NDST3: variants seen among roughly 807,000 people sequenced by gnomAD.
NDST3 encodes N-deacetylase and N-sulfotransferase 3.
NDST3 carries 58 observed loss-of-function variants against 96.1 expected under a neutral mutation model. That is an observed-to-expected ratio of 0.60 (90% CI 0.49 to 0.75). The LOEUF is 0.75. Among genes scored for constraint, NDST3 ranks in the 30% least tolerant of loss-of-function variants. NDST3 has a pLI of 0.00. For missense variants in NDST3, 788 were observed against 1,034.2 expected, an observed-to-expected ratio of 0.76 and a Z score of 3.27; for synonymous variants, 333 against 359.7, an observed-to-expected ratio of 0.93 and a Z score of 0.84.
chr4:118,098,953 A>G (rs11944865), intron 2 of NDST3, among the ~76,000 whole-genome samples: 4,418 of 152,160 alleles, frequency 0.029, 236 homozygotes, highest in African/African-American at 0.1. Context: ...AAGTAATGGA[A>G]CATGGAATTT....
chr4:118,072,248 T>G (rs1727140358), intron 2 of NDST3, among the ~76,000 whole-genome samples: 1 of 152,154 alleles, frequency 6.6e-6, no homozygotes, highest in African/African-American at 2.4e-5. Context: ...TTAGAGTTTT[T>G]TTTCTAATTC....
chr4:118,143,706 T>C (rs758474312), intron 6 of NDST3, 22 bp downstream of exon 6: 1 of 1,560,128 alleles, frequency 6.4e-7, no homozygotes, highest in Non-Finnish European at 8.6e-7. Context: ...ATTCTCCAAA[T>C]AAATAGTGAA....
chr4:118,142,384 T>C (rs1012903782), intron 5 of NDST3, among the ~76,000 whole-genome samples: 1 of 151,962 alleles, frequency 6.6e-6, no homozygotes, highest in South Asian at 2.1e-4. Context: ...ATATAACCAG[T>C]ATTATATAAT....
intron 6 of NDST3, among the ~76,000 whole-genome samples, chr4:118,160,762 T>C (rs1003957171): frequency 6.6e-6 from 1 of 152,248 alleles, no homozygotes; most frequent in Non-Finnish European, 1.5e-5. Context: ...ACTCTAGTTA[T>C]ACATTCGTCT....
chr4:118,191,472 C>G (rs1670380385), intron 6 of NDST3, among the ~76,000 whole-genome samples: 1 of 152,132 alleles, frequency 6.6e-6, no homozygotes, highest in Non-Finnish European at 1.5e-5. Flanking sequence ...GCTAAAATTA[C>G]TGAGTTCAGG....
At chr4:118,236,484 G>T (rs1366880140) in intron 9 of NDST3, among the ~76,000 whole-genome samples, 1 of 152,150 alleles carries the variant, frequency 6.6e-6, no homozygotes, top group East Asian at 1.9e-4. Flanking sequence ...AGGAACATAA[G>T]TGGCTCTATA....
intron 4 of NDST3, among the ~76,000 whole-genome samples, chr4:118,123,814 A>G (rs960834787): frequency 6.6e-6 from 1 of 152,148 alleles, no homozygotes; most frequent in Admixed American, 6.6e-5. Flanking sequence ...AATAAATGTT[A>G]TAATTGTTAG....
At chr4:118,070,450 C>A (rs1406922051) in intron 2 of NDST3, among the ~76,000 whole-genome samples, 1 of 151,904 alleles carries the variant, frequency 6.6e-6, no homozygotes, top group Non-Finnish European at 1.5e-5. Context: ...CTCTGGTTTC[C>A]CTGAATAACA....
chr4:118,163,067 G>C (rs925763518), intron 6 of NDST3, among the ~76,000 whole-genome samples: 4 of 152,244 alleles, frequency 2.6e-5, no homozygotes, highest in East Asian at 3.9e-4. Flanking sequence ...TCTCACACCA[G>C]TTAGAATGGC....
At chr4:118,098,851 G>A (rs1158447522) in intron 2 of NDST3, among the ~76,000 whole-genome samples, 5 of 152,026 alleles carry the variant, frequency 3.3e-5, no homozygotes, top group Non-Finnish European at 7.4e-5. Flanking sequence ...TTCCTGTTTA[G>A]TGCTGATTAA....
At chr4:118,123,489 A>C (rs563521125) in intron 4 of NDST3, among the ~76,000 whole-genome samples, 3 of 152,254 alleles carry the variant, frequency 2.0e-5, no homozygotes, top group South Asian at 4.1e-4. Flanking sequence ...CTCCATTATG[A>C]ATCCAGATAA....
rs993319616 is a variant in NDST3 at position 118,237,822 on chromosome 4, CT to C, written c.2118+605del. Among the ~76,000 whole-genome samples, 25 of 152,134 alleles carry C rather than the reference CT, an allele frequency of 1.6e-4. 1 individual carries two copies. Among genetic ancestry groups the C allele is most frequent in the African/African-American group, 6.0e-4 (25 of 41,524 alleles). ...TGGCAAAACTAATATATATAAGAATCTTTAGGCTGGGCGTGGTGGCTCATGC... is the reference window on the plus strand; with the variant it reads ...TGGCAAAACTAATATATATAAGAATCTTAGGCTGGGCGTGGTGGCTCATGC... On this transcript the variant is annotated intron_variant, in intron 10 of 13. Coordinates refer to ENST00000296499, the MANE Select transcript of NDST3 (RefSeq NM_004784.3).
At chr4:118,164,717 C>G (rs1735428307) in intron 6 of NDST3, among the ~76,000 whole-genome samples, 1 of 151,906 alleles carries the variant, frequency 6.6e-6, no homozygotes, top group African/African-American at 2.4e-5. Flanking sequence ...TATAAATCAC[C>G]TTTAATTCTG....
intron 6 of NDST3, among the ~76,000 whole-genome samples, chr4:118,154,734 T>C (rs2125918768): frequency 6.6e-6 from 1 of 152,360 alleles, no homozygotes; most frequent in African/African-American, 2.4e-5. Context: ...AGGTCACTTC[T>C]ATAGTATTCC....
chr4:118,074,819 G>C (rs1727376472), intron 2 of NDST3, among the ~76,000 whole-genome samples: 1 of 152,084 alleles, frequency 6.6e-6, no homozygotes, highest in Non-Finnish European at 1.5e-5. Context: ...TGATTGTGTA[G>C]TTGCTATATA....
chr4:118,181,444 A>C (rs1204326810), intron 6 of NDST3, among the ~76,000 whole-genome samples: 1 of 152,162 alleles, frequency 6.6e-6, no homozygotes, highest in Non-Finnish European at 1.5e-5. Flanking sequence ...TATCTTCAGC[A>C]AAAATAATGC....
chr4:118,101,685 C>T (rs1343522726), intron 2 of NDST3, among the ~76,000 whole-genome samples: 1 of 151,926 alleles, frequency 6.6e-6, no homozygotes, highest in East Asian at 1.9e-4. Flanking sequence ...CTTACACAAA[C>T]CTAGATGGTA....
At chr4:118,238,598 A>G (rs1029822215) in intron 10 of NDST3, among the ~76,000 whole-genome samples, 1 of 152,160 alleles carries the variant, frequency 6.6e-6, no homozygotes, top group African/African-American at 2.4e-5. Flanking sequence ...ATGCTTTCCT[A>G]CTGTTCATGT....
intron 1 of NDST3, among the ~76,000 whole-genome samples, chr4:118,045,961 G>A (rs1578529497): frequency 1.3e-5 from 2 of 151,972 alleles, no homozygotes; most frequent in Middle Eastern, 3.4e-3. Flanking sequence ...GAATTCCAGA[G>A]GGGGAAGGCA....
Sources: allele counts gnomAD v4.1 joint callset (sites outside exome capture counted in the v4.1 genomes callset), GRCh38; gene constraint gnomAD v4.1.1; transcripts MANE v1.5; gene names NCBI Gene and HGNC (gene_info 2026-07-23, HGNC 2026-07-21).